ANKRD11: variants seen among roughly 807,000 people sequenced by gnomAD.
The protein encoded by ANKRD11 is ankyrin repeat domain-containing protein 11.
A neutral mutation model predicts 195.7 loss-of-function variants in ANKRD11; 17 were observed. The ratio of observed to expected loss-of-function variants is 0.09; its 90% CI spans 0.06 to 0.13. ANKRD11 has a LOEUF of 0.13. ANKRD11 is among the 10% of genes least tolerant of loss of function. The pLI, the probability that ANKRD11 is intolerant of heterozygous loss-of-function variation, is 1.00. For missense variants in ANKRD11, 3,735 were observed against 3,566.1 expected, an observed-to-expected ratio of 1.05 and a Z score of -1.21; for synonymous variants, 1,953 against 1,528.1, an observed-to-expected ratio of 1.28 and a Z score of -6.49.
At chr16:89,351,204 C>T (rs2039201927) in intron 2 of ANKRD11, among the ~76,000 whole-genome samples, 1 of 152,236 alleles carries the variant, frequency 6.6e-6, no homozygotes, top group African/African-American at 2.4e-5. Flanking sequence ...GCGGCGGCAG[C>T]TGGTGGTGGG....
chr16:89,407,299 C>CG (rs1023401167), intron 2 of ANKRD11, among the ~76,000 whole-genome samples: 7 of 151,298 alleles, frequency 4.6e-5, no homozygotes, highest in Non-Finnish European at 1.5e-5. Context: ...ATAAGGAACA[C>CG]GGGGGGAAAA....
At chr16:89,334,171 A>G (rs910466493) in intron 2 of ANKRD11, among the ~76,000 whole-genome samples, 1 of 144,610 alleles carries the variant, frequency 6.9e-6, no homozygotes, top group South Asian at 2.2e-4. Context: ...AAAAAAAAAA[A>G]AACAGAGAGA....
chr16:89,284,615 TCTC>T lies in ANKRD11; in HGVS notation c.1924_1926del (p.Glu642del), dbSNP rs2034514615. On this transcript the variant is annotated inframe_deletion, in exon 9 of 13. Transcript: ENST00000301030. ...TCTTGGCTGATGGAACACTGTCCCT[TCTC>T]CTTGTTTTTGTGTTTGTGTTTTGTT... The T allele has an allele frequency of 6.2e-7, 1 of 1,614,136 alleles. No individual in the cohort carries two copies. Among genetic ancestry groups the T allele is most frequent in the Non-Finnish European group, 8.5e-7 (1 of 1,180,020 alleles).
intron 1 of ANKRD11, among the ~76,000 whole-genome samples, chr16:89,475,895 T>A (rs965856576): frequency 2.6e-5 from 4 of 151,422 alleles, no homozygotes; most frequent in Non-Finnish European, 5.9e-5. Context: ...ACTAAAAAAA[T>A]TTAAAAATTA....
At chr16:89,489,423 C>T (rs1285932182) in intron 1 of ANKRD11, among the ~76,000 whole-genome samples, 1 of 146,742 alleles carries the variant, frequency 6.8e-6, no homozygotes, top group Non-Finnish European at 1.5e-5. Context: ...GCCTACCCTC[C>T]CCCTAACACC....
rs143927460 is a variant in ANKRD11, at chr16:89,295,248, C to T, written c.227-4065G>A. ...CTGAGGGCTTTGTGGGCTCAGGCAG[C>T]CTGGGGCTGAGGGCAGAGGTCCAGG... On this transcript the variant is annotated intron_variant, in intron 4 of 12. Coordinates refer to ENST00000301030, the MANE Select transcript of ANKRD11 (RefSeq NM_013275.6). Among the ~76,000 whole-genome samples, 690 of 152,288 alleles carry T rather than the reference C, an allele frequency of 4.5e-3. 3 individuals carry two copies. Among genetic ancestry groups the T allele is most frequent in the African/African-American group, 0.016 (667 of 41,568 alleles).
Position 89,374,780 on chromosome 16 carries a change from C to A in ANKRD11, c.-60+43504G>T, listed in dbSNP as rs371751020. On this transcript the variant is annotated intron_variant, in intron 2 of 12. Transcript: ENST00000301030. ...ACTCCATGATGAACGTGGACACACA[C>A]GTGTGCACAGAGCTGACCCCGAACA... 1.4e-4 allele frequency among the ~76,000 whole-genome samples: 21 copies of A among 152,298 alleles called. 1 individual carries two copies. The South Asian group carries it at 4.3e-3, about 32-fold the overall frequency.
At chr16:89,275,709 C>T (rs2033596107) in intron 9 of ANKRD11, among the ~76,000 whole-genome samples, 4 of 152,100 alleles carry the variant, frequency 2.6e-5, no homozygotes, top group East Asian at 3.9e-4. Context: ...CCCAGGTCCC[C>T]GTGGGGGCTG....
At chr16:89,313,319 T>G (rs1445313071) in intron 3 of ANKRD11, 1 of 1,287,210 alleles carries the variant, frequency 7.8e-7, no homozygotes, top group South Asian at 1.2e-5. Context: ...CTGCACACCT[T>G]TGGATCAGAA....
chr16:89,466,635 A>T (rs2056894569), intron 1 of ANKRD11, among the ~76,000 whole-genome samples: 1 of 152,336 alleles, frequency 6.6e-6, no homozygotes, highest in East Asian at 1.9e-4. Context: ...AAAAAACACA[A>T]ATACAAACCA....
chr16:89,441,605 A>C (rs569990852), intron 1 of ANKRD11, among the ~76,000 whole-genome samples: 5 of 151,772 alleles, frequency 3.3e-5, no homozygotes, highest in Admixed American at 3.3e-4. Context: ...ACCTCTACTA[A>C]AAATACAAAA....
intron 4 of ANKRD11, chr16:89,304,954 G>C (rs773554382): frequency 1.8e-6 from 1 of 567,888 alleles, no homozygotes; most frequent in East Asian, 3.1e-5. Flanking sequence ...CATGCACCGG[G>C]TGCATCTCCA....
At chr16:89,442,918 C>G (rs576691356) in intron 1 of ANKRD11, among the ~76,000 whole-genome samples, 8 of 152,358 alleles carry the variant, frequency 5.3e-5, no homozygotes, top group African/African-American at 1.9e-4. Context: ...CACCCAGCCT[C>G]TGCCTCTTTC....
At chr16:89,430,842 C>CG in intron 1 of ANKRD11, among the ~76,000 whole-genome samples, 1 of 152,298 alleles carries the variant, frequency 6.6e-6, no homozygotes, top group Non-Finnish European at 1.5e-5. Context: ...TATGACCTTA[C>CG]GCAGTTTCTG....
rs777485683 is a variant in ANKRD11 at position 89,279,741 on chromosome 16, G to A, written c.6801C>T (p.Ser2267=). 1.8e-5 allele frequency: 27 copies of A among 1,527,452 alleles called. No homozygotes were observed. Among genetic ancestry groups the A allele is most frequent in the Non-Finnish European group, 2.4e-5 (27 of 1,141,244 alleles). 94.6% of individuals were successfully genotyped at this position (1,527,452 alleles called of 1,614,324 possible). ...GAEAEGPPAA[S]LCAPDGPAPN... Reference sequence around the variant, plus strand: ...GGGCGGGGCCGTCAGGGGCACAGAGGGACGCGGCGGGGGGGCCTTCAGCCT... The same window carrying A: ...GGGCGGGGCCGTCAGGGGCACAGAGAGACGCGGCGGGGGGGCCTTCAGCCT... The change falls in exon 9 of 13, where the codon TCC becomes TCT. Residue 2267 remains serine, a synonymous_variant. Coordinates refer to ENST00000301030, the MANE Select transcript of ANKRD11 (RefSeq NM_013275.6). This position sits in a 1 kb window ranked among gnomAD's most constrained non-coding sequence, Gnocchi z 5.6.
chr16:89,454,213 C>G (rs1484169453), intron 1 of ANKRD11, among the ~76,000 whole-genome samples: 1 of 152,154 alleles, frequency 6.6e-6, no homozygotes, highest in Non-Finnish European at 1.5e-5. Flanking sequence ...AGTCACTGCC[C>G]AGCAAGTGTG....
rs1318992601 is a variant in ANKRD11, at chr16:89,280,967, A to G, written c.5575T>C (p.Ser1859Pro). The change falls in exon 9 of 13, where the codon TCG (serine) becomes CCG (proline). Residue 1859 changes from serine to proline, a missense_variant. Coordinates refer to ENST00000301030, the MANE Select transcript of ANKRD11 (RefSeq NM_013275.6). ...GYYSPDYGLP[S>P]PKVDALHCPP... is the part of the protein sequence containing the mutation. ...CAGTGCAAAGCGTCGACTTTGGGCGACGGGAGGCCATAGTCTGGGGAGTAG... is the reference window on the plus strand; with the variant it reads ...CAGTGCAAAGCGTCGACTTTGGGCGGCGGGAGGCCATAGTCTGGGGAGTAG... 2 of 1,570,656 alleles carry G rather than the reference A, an allele frequency of 1.3e-6. No individual in the cohort carries two copies. Among genetic ancestry groups the G allele is most frequent in the Non-Finnish European group, 1.7e-6 (2 of 1,155,598 alleles).
chr16:89,407,117 C>T (rs537210967), intron 2 of ANKRD11, among the ~76,000 whole-genome samples: 1 of 151,744 alleles, frequency 6.6e-6, no homozygotes, highest in Admixed American at 6.6e-5. Flanking sequence ...ACTCGGGAGG[C>T]GGAGGAGGCG....
intron 9 of ANKRD11, 167 bp downstream of exon 9, chr16:89,278,905 C>G (rs901572150): frequency 6.7e-6 from 8 of 1,190,434 alleles, no homozygotes; most frequent in African/African-American, 1.5e-5. Context: ...CAGCTTCCGG[C>G]TTTTGCCTCC....
Sources: allele counts gnomAD v4.1 joint callset (sites outside exome capture counted in the v4.1 genomes callset), GRCh38; gene constraint gnomAD v4.1.1; non-coding constraint Gnocchi (gnomAD v3.1); transcripts MANE v1.5; gene names NCBI Gene and HGNC (gene_info 2026-07-23, HGNC 2026-07-21).